Variants in FTO observed in about 807,000 individuals in gnomAD.
FTO encodes FTO alpha-ketoglutarate dependent dioxygenase.
A neutral mutation model predicts 63.9 loss-of-function variants in FTO; 47 were observed. The observed-to-expected ratio is 0.74, with a 90% confidence interval of 0.58 to 0.94. The LOEUF is 0.94. Ranked by LOEUF, FTO falls within the 40% of genes least tolerant of loss-of-function variation. The pLI is 0.00. For missense variants in FTO, 562 were observed against 618.1 expected (o/e 0.91, Z 0.96); for synonymous variants, 207 against 224.4 (o/e 0.92, Z 0.69).
chr16:54,109,411 A>G (rs1174157041), intron 8 of FTO, among the ~76,000 whole-genome samples: 1 of 152,006 alleles, frequency 6.6e-6, no homozygotes, highest in East Asian at 1.9e-4. Flanking sequence ...GCTCACTGCA[A>G]CCTCCGCCTC....
At chr16:53,966,476 T>G (rs770975012) in intron 8 of FTO, among the ~76,000 whole-genome samples, 1 of 152,200 alleles carries the variant, frequency 6.6e-6, no homozygotes, top group East Asian at 1.9e-4. Flanking sequence ...AGCAGCTGCC[T>G]TTATAACTTC....
At chr16:53,982,131 C>T (rs1468897527) in intron 8 of FTO, among the ~76,000 whole-genome samples, 2 of 152,010 alleles carry the variant, frequency 1.3e-5, no homozygotes, top group African/African-American at 2.4e-5. Context: ...TATCTCCATC[C>T]TAAGCCTTAG....
intron 1 of FTO, among the ~76,000 whole-genome samples, chr16:53,749,441 C>CT (rs748023558): frequency 0.05 from 7,063 of 140,146 alleles, 298 homozygotes; most frequent in African/African-American, 0.12. Context: ...TTCTTTTTTT[C>CT]TTTTTTTTTT....
chr16:53,835,188 T>C (rs2079255224), intron 3 of FTO, among the ~76,000 whole-genome samples: 1 of 152,226 alleles, frequency 6.6e-6, no homozygotes, highest in South Asian at 2.1e-4. Flanking sequence ...AGCACTGTCT[T>C]CCAGAGTCTT....
At chr16:53,988,302 A>G (rs1429476068) in intron 8 of FTO, among the ~76,000 whole-genome samples, 1 of 152,220 alleles carries the variant, frequency 6.6e-6, no homozygotes, top group Non-Finnish European at 1.5e-5. Context: ...CTGTTAAATA[A>G]CTTAATGTAC....
chr16:53,907,908 C>CA (rs1255373888), intron 7 of FTO, among the ~76,000 whole-genome samples: 6 of 152,210 alleles, frequency 3.9e-5, no homozygotes, highest in Non-Finnish European at 8.8e-5. Context: ...CCATTACTCT[C>CA]ATGAAAGCCA....
At position 54,117,653 on chromosome 16, in the gene FTO, G is replaced by A. The variant is rs796891070; in HGVS notation, c.*5738G>A. On this transcript the variant is annotated 3_prime_UTR_variant, in exon 9 of 9. Transcript: ENST00000471389. Reference sequence around the variant, plus strand: ...TTGCTCTTCACAGCTTCCATTTTTCGCTAGGCGGATGGCATGGAACTTTTT... The same window carrying A: ...TTGCTCTTCACAGCTTCCATTTTTCACTAGGCGGATGGCATGGAACTTTTT... 2 of 152,130 alleles carry A rather than the reference G, an allele frequency of 1.3e-5. No individual in the cohort carries two copies. Among genetic ancestry groups the A allele is most frequent in the African/African-American group, 4.8e-5 (2 of 41,478 alleles). The allele number at this position is 152,130 out of a possible 1,614,324, so 9.4% of individuals were successfully genotyped here.
chr16:53,970,757 C>T (rs1325185366), intron 8 of FTO, among the ~76,000 whole-genome samples: 4 of 152,006 alleles, frequency 2.6e-5, no homozygotes, highest in African/African-American at 4.8e-5. Flanking sequence ...CTAGATTTTT[C>T]GGTGAAAGCC....
chr16:53,809,711 G>T (rs139891432), intron 1 of FTO, among the ~76,000 whole-genome samples: 2 of 152,134 alleles, frequency 1.3e-5, no homozygotes, highest in Non-Finnish European at 2.9e-5. Flanking sequence ...GGAGGCCAAG[G>T]TGGGAGGATT....
chr16:53,986,908 G>T (rs188042886), intron 8 of FTO, among the ~76,000 whole-genome samples: 1 of 152,124 alleles, frequency 6.6e-6, no homozygotes, highest in Non-Finnish European at 1.5e-5. Context: ...TTAATTCTAA[G>T]TACACTTGTT....
intron 8 of FTO, chr16:54,061,810 T>C (rs142579259): frequency 3.3e-5 from 5 of 152,364 alleles, no homozygotes; most frequent in Non-Finnish European, 7.3e-5. Context: ...AACAGAGATA[T>C]GCTCTACTGA....
intron 3 of FTO, among the ~76,000 whole-genome samples, chr16:53,840,490 G>A (rs988820431): frequency 6.6e-6 from 1 of 152,132 alleles, no homozygotes; most frequent in African/African-American, 2.4e-5. Flanking sequence ...CAAGACTTTC[G>A]AACAGGTGTT....
chr16:53,946,545 C>T (rs1057099511), intron 8 of FTO, among the ~76,000 whole-genome samples: 1 of 152,010 alleles, frequency 6.6e-6, no homozygotes, highest in Non-Finnish European at 1.5e-5. Flanking sequence ...CTTGGAAGGG[C>T]GTTTTGGAAG....
chr16:53,958,163 C>G (rs1423296292), intron 8 of FTO, among the ~76,000 whole-genome samples: 1 of 152,164 alleles, frequency 6.6e-6, no homozygotes. Flanking sequence ...TTTTAATACT[C>G]TTGGTATAGG....
At chr16:53,961,792 T>C (rs1322650494) in intron 8 of FTO, among the ~76,000 whole-genome samples, 1 of 152,222 alleles carries the variant, frequency 6.6e-6, no homozygotes, top group Non-Finnish European at 1.5e-5. Flanking sequence ...TGATTTGCGC[T>C]AGTCTGGCTG....
At chr16:53,894,428 T>C (rs1490298473) in intron 7 of FTO, among the ~76,000 whole-genome samples, 1 of 152,230 alleles carries the variant, frequency 6.6e-6, no homozygotes. Context: ...TCTTTAAAAC[T>C]GAATACAGGA....
chr16:53,854,673 T>C (rs1388204110), intron 4 of FTO, among the ~76,000 whole-genome samples: 2 of 152,238 alleles, frequency 1.3e-5, no homozygotes, highest in Non-Finnish European at 2.9e-5. Context: ...CATGCTGTTT[T>C]AGTTACTACA....
intron 1 of FTO, among the ~76,000 whole-genome samples, chr16:53,752,920 CTTT>C (rs749666605): frequency 7.2e-6 from 1 of 138,190 alleles, no homozygotes. Context: ...ATATGACTGC[CTTT>C]TTTTTTTTTT....
intron 4 of FTO, among the ~76,000 whole-genome samples, chr16:53,858,061 T>C (rs8063241): frequency 0.4 from 61,217 of 151,912 alleles, 15,357 homozygotes; most frequent in East Asian, 0.76. Flanking sequence ...AGGATAAACA[T>C]ATTACTAAGT....
Sources: allele counts gnomAD v4.1 joint callset (sites outside exome capture counted in the v4.1 genomes callset), GRCh38; gene constraint gnomAD v4.1.1; transcripts MANE v1.5; gene names NCBI Gene and HGNC (gene_info 2026-07-23, HGNC 2026-07-21).